The following NSMCE2 variants were observed in gnomAD, a reference collection of about 807,000 sequenced individuals.
NSMCE2 encodes the protein E3 SUMO-protein ligase NSE2.
In NSMCE2, 24 loss-of-function variants were observed where a neutral mutation model predicts 23.8. That is an observed-to-expected ratio of 1.01 (90% CI 0.73 to 1.42). The LOEUF is 1.42. Among genes scored for constraint, NSMCE2 ranks in the 40% most tolerant of loss-of-function variants. NSMCE2 has a pLI of 0.00. For missense variants in NSMCE2, 284 were observed against 296.5 expected, an observed-to-expected ratio of 0.96 and a Z score of 0.31; for synonymous variants, 92 against 94.1, an observed-to-expected ratio of 0.98 and a Z score of 0.13.
At chr8:125,133,206 A>C (rs1284246955) in intron 3 of NSMCE2, among the ~76,000 whole-genome samples, 3 of 152,240 alleles carry the variant, frequency 2.0e-5, no homozygotes, top group Non-Finnish European at 2.9e-5. Flanking sequence ...AAATCTAGTA[A>C]ATTTAGAAGG....
rs147557005 is a variant in NSMCE2, at chr8:125,093,701, C to T, written c.-111+1743C>T. Among the ~76,000 whole-genome samples, 779 of 151,944 alleles carry T rather than the reference C, an allele frequency of 5.1e-3. 2 individuals are homozygous for T. The highest frequency in any genetic ancestry group is 8.7e-3 in the Non-Finnish European group (591 of 67,954). The stretch of plus-strand genomic sequence containing the variant: ...TCATGCCACTGCACTCCAGTTTGGG[C>T]GACAGAGCGAAACTCTGTCTCAAAA... On this transcript the variant is annotated intron_variant, in intron 1 of 7. Transcript: ENST00000287437.
chr8:125,256,021 C>T (rs1236027317), intron 5 of NSMCE2, among the ~76,000 whole-genome samples: 1 of 152,174 alleles, frequency 6.6e-6, no homozygotes, highest in South Asian at 2.1e-4. Flanking sequence ...TGGTGGCTCA[C>T]GCCTGTAATC....
At chr8:125,107,911 G>T (rs542777201) in intron 3 of NSMCE2, among the ~76,000 whole-genome samples, 1 of 152,200 alleles carries the variant, frequency 6.6e-6, no homozygotes, top group Non-Finnish European at 1.5e-5. Flanking sequence ...GTGCACACCT[G>T]TAGTCCCAGC....
At chr8:125,342,389 G>T (rs1830284033) in intron 5 of NSMCE2, among the ~76,000 whole-genome samples, 1 of 152,158 alleles carries the variant, frequency 6.6e-6, no homozygotes, top group South Asian at 2.1e-4. Flanking sequence ...AAATGACTCA[G>T]ATCTGTTGTA....
In NSMCE2 at chr8:125,243,502, A is replaced by T. The variant is rs11778488; in HGVS notation, c.418+61246A>T. On this transcript the variant is annotated intron_variant, in intron 5 of 7. Transcript: ENST00000287437. ...AACCTTGCAAAAATAATAATTTTTT[A>T]AAAAAAAAAACCTCTAAATTTCTAA... Among the ~76,000 whole-genome samples the T allele has an allele frequency of 7.7e-3, 629 of 81,892 alleles. 4 individuals carry two copies. Among genetic ancestry groups the T allele is most frequent in the East Asian group, 0.063 (178 of 2,810 alleles). The allele number at this position is 81,892 out of a possible 152,430, so 53.7% of individuals were successfully genotyped here.
intron 5 of NSMCE2, among the ~76,000 whole-genome samples, chr8:125,228,337 G>A (rs1357527102): frequency 6.6e-6 from 1 of 152,110 alleles, no homozygotes; most frequent in Non-Finnish European, 1.5e-5. Context: ...TAATTGGTTA[G>A]AATAAAAGAA....
chr8:125,230,519 C>T (rs1197858177), intron 5 of NSMCE2, among the ~76,000 whole-genome samples: 2 of 152,164 alleles, frequency 1.3e-5, no homozygotes, highest in African/African-American at 2.4e-5. Context: ...GCTGTAGTTC[C>T]TCTGTATCTC....
At chr8:125,116,312 C>A (rs1819004021) in intron 3 of NSMCE2, among the ~76,000 whole-genome samples, 1 of 152,210 alleles carries the variant, frequency 6.6e-6, no homozygotes, top group South Asian at 2.1e-4. Context: ...CAGGCTCATA[C>A]ACTGCTCACC....
intron 5 of NSMCE2, among the ~76,000 whole-genome samples, chr8:125,306,359 T>TA (rs199582077): frequency 0.034 from 4,951 of 144,590 alleles, 185 homozygotes; most frequent in Admixed American, 0.088. Flanking sequence ...TTATATATAT[T>TA]AAAAAAAAAA....
chr8:125,288,750 GT>G (rs1257029579), intron 5 of NSMCE2, among the ~76,000 whole-genome samples: 1 of 151,892 alleles, frequency 6.6e-6, no homozygotes, highest in African/African-American at 2.4e-5. Context: ...TAGGCTAGGA[GT>G]TTTTTTTAGG....
At chr8:125,310,947 A>C (rs1430376659) in intron 5 of NSMCE2, among the ~76,000 whole-genome samples, 3 of 152,266 alleles carry the variant, frequency 2.0e-5, no homozygotes, top group Non-Finnish European at 4.4e-5. Flanking sequence ...TGAATATATT[A>C]GATCGCAAGG....
intron 5 of NSMCE2, among the ~76,000 whole-genome samples, chr8:125,294,469 T>C (rs985259773): frequency 1.3e-5 from 2 of 152,210 alleles, no homozygotes; most frequent in African/African-American, 4.8e-5. Context: ...CACATGTTAT[T>C]GTCTCTTTTT....
At chr8:125,106,524 A>G (rs1287096005) in intron 3 of NSMCE2, among the ~76,000 whole-genome samples, 1 of 152,016 alleles carries the variant, frequency 6.6e-6, no homozygotes, top group Non-Finnish European at 1.5e-5. Flanking sequence ...CTAAAAATAC[A>G]AAAATTAGCC....
At chr8:125,286,423 C>G (rs963259383) in intron 5 of NSMCE2, among the ~76,000 whole-genome samples, 5 of 151,952 alleles carry the variant, frequency 3.3e-5, no homozygotes, top group Admixed American at 2.6e-4. Context: ...AGTGATGCTC[C>G]TGCCTCAGCC....
At chr8:125,275,033 ATAAATAG>A (rs1252882866) in intron 5 of NSMCE2, among the ~76,000 whole-genome samples, 10 of 149,546 alleles carry the variant, frequency 6.7e-5, no homozygotes, top group Non-Finnish European at 1.3e-4. Flanking sequence ...AATAATAATA[ATAAATAG>A]AATAATATCC....
chr8:125,322,376 A>G (rs570394278), intron 5 of NSMCE2, among the ~76,000 whole-genome samples: 1 of 152,354 alleles, frequency 6.6e-6, no homozygotes, highest in East Asian at 1.9e-4. Flanking sequence ...GGAAAATCAT[A>G]TGATCATCTC....
intron 1 of NSMCE2, among the ~76,000 whole-genome samples, chr8:125,096,286 A>G (rs1033837865): frequency 2.0e-5 from 3 of 152,190 alleles, no homozygotes; most frequent in Admixed American, 2.0e-4. Context: ...GAGCATATAT[A>G]GGCATGTAAC....
chr8:125,157,278 A>G (rs1320483100), intron 4 of NSMCE2, among the ~76,000 whole-genome samples: 1 of 152,192 alleles, frequency 6.6e-6, no homozygotes, highest in East Asian at 1.9e-4. Flanking sequence ...CCAGAGGGGA[A>G]AGTACTAGGA....
intron 3 of NSMCE2, among the ~76,000 whole-genome samples, chr8:125,128,898 T>A (rs1396234269): frequency 2.6e-5 from 4 of 152,216 alleles, no homozygotes; most frequent in African/African-American, 9.6e-5. Context: ...GTCAGCTGAT[T>A]AACAATCTTA....
Sources: gnomAD v4.1 joint callset for allele counts (sites outside exome capture counted in the v4.1 genomes callset) on GRCh38, gnomAD v4.1.1 for gene constraint, MANE v1.5 for transcripts, NCBI Gene and HGNC (gene_info 2026-07-23, HGNC 2026-07-21) for gene names.